The following MAPK10 variants were observed in gnomAD, a reference collection of about 807,000 sequenced individuals.
MAPK10 encodes the protein JNK3 alpha protein kinase.
MAPK10 carries 25 observed loss-of-function variants against 59.3 expected under a neutral mutation model. That is an observed-to-expected ratio of 0.42 (90% CI 0.31 to 0.59). The LOEUF is 0.59. MAPK10 is among the 20% of genes least tolerant of loss of function. The pLI, the probability that MAPK10 is intolerant of heterozygous loss-of-function variation, is 0.15. For missense variants in MAPK10, 351 were observed against 568.9 expected (o/e 0.62, Z 3.90); for synonymous variants, 190 against 200.5 (o/e 0.95, Z 0.44).
In MAPK10 at chr4:86,208,421, A is replaced by G. The variant is rs561921863; in HGVS notation, c.-6-14014T>C. On this transcript the variant is annotated intron_variant, in intron 2 of 13. Transcript: ENST00000641462. ...CAAGTGGGCTTCATCCCTGGGATGCAAGGCTGGTTCAATATACGCAAGTCA... is the reference window on the plus strand; with the variant it reads ...CAAGTGGGCTTCATCCCTGGGATGCGAGGCTGGTTCAATATACGCAAGTCA... Among the ~76,000 whole-genome samples the G allele has an allele frequency of 1.1e-4, 17 of 148,420 alleles. 1 individual carries two copies. The highest frequency in any genetic ancestry group is 1.6e-4 in the Non-Finnish European group (11 of 67,878).
chr4:86,257,793 C>T (rs1216050824), intron 2 of MAPK10, among the ~76,000 whole-genome samples: 1 of 152,126 alleles, frequency 6.6e-6, no homozygotes, highest in Admixed American at 6.5e-5. Flanking sequence ...CATTCCATGC[C>T]CTTTTCCCTT....
chr4:86,421,793 G>A (rs1746576942), intron 1 of MAPK10, among the ~76,000 whole-genome samples: 1 of 152,140 alleles, frequency 6.6e-6, no homozygotes, highest in African/African-American at 2.4e-5. Context: ...GTAGGATCGT[G>A]CCGCTCCTCT....
chr4:86,324,584 C>T (rs557116118), intron 2 of MAPK10, among the ~76,000 whole-genome samples: 24 of 152,244 alleles, frequency 1.6e-4, no homozygotes, highest in African/African-American at 5.1e-4. Flanking sequence ...TCTCTCCTTC[C>T]TCTCAGAAAT....
At chr4:86,441,204 G>GT (rs1309747315) in intron 1 of MAPK10, among the ~76,000 whole-genome samples, 1 of 152,202 alleles carries the variant, frequency 6.6e-6, no homozygotes, top group African/African-American at 2.4e-5. Context: ...TATATAATGT[G>GT]TGTGTGACTG....
chr4:86,217,885 T>G (rs1173532824), intron 2 of MAPK10, among the ~76,000 whole-genome samples: 2 of 152,078 alleles, frequency 1.3e-5, no homozygotes, highest in African/African-American at 4.8e-5. Flanking sequence ...ACTGCAAACC[T>G]CAAATTAAAA....
intron 1 of MAPK10, among the ~76,000 whole-genome samples, chr4:86,571,732 A>C (rs1447148854): frequency 2.0e-5 from 3 of 152,140 alleles, no homozygotes; most frequent in Admixed American, 2.0e-4. Context: ...ACGGTTGGCT[A>C]TCTCCTGACA....
chr4:86,166,828 G>C (rs922198671), intron 3 of MAPK10, among the ~76,000 whole-genome samples: 5 of 151,952 alleles, frequency 3.3e-5, no homozygotes, highest in Non-Finnish European at 7.4e-5. Flanking sequence ...AGAGAAGCAA[G>C]AGCAAACAAA....
At chr4:86,277,928 ACTC>A (rs1362781840) in intron 2 of MAPK10, among the ~76,000 whole-genome samples, 1 of 152,138 alleles carries the variant, frequency 6.6e-6, no homozygotes, top group Non-Finnish European at 1.5e-5. Context: ...ATGGAATACT[ACTC>A]CTAAGGATGC....
In MAPK10 at chr4:86,098,594, C is replaced by T. The variant is rs1331458791; in HGVS notation, c.732G>A (p.Val244=). ...VILGMGYKEN[V]DIWSVGCIMG... is the part of the protein sequence containing the mutation. ...TAATGCATCCCACAGACCATATATC[C>T]ACTAGAACAGGAGAGAGAGGGTAGT... Residue 244 remains valine (V), a splice_region_variant and synonymous_variant, in exon 9 of 14, where the codon GTG becomes GTA. Transcript: ENST00000641462. 1 of 1,609,652 alleles carries T rather than the reference C, an allele frequency of 6.2e-7. No individual in the cohort carries two copies. Among genetic ancestry groups the T allele is most frequent in the South Asian group, 1.1e-5 (1 of 90,964 alleles).
chr4:86,225,775 T>C (rs974830776), intron 2 of MAPK10, among the ~76,000 whole-genome samples: 23 of 152,282 alleles, frequency 1.5e-4, no homozygotes, highest in Non-Finnish European at 2.8e-4. Flanking sequence ...TTAAGAGTAA[T>C]AGGGAATATT....
chr4:86,479,490 C>A (rs1323809733), intron 1 of MAPK10, among the ~76,000 whole-genome samples: 1 of 131,588 alleles, frequency 7.6e-6, no homozygotes, highest in Non-Finnish European at 1.7e-5. Context: ...AAAAAAAAAA[C>A]TTGTCGTCCC....
chr4:86,121,590 T>C (rs1345407678), intron 4 of MAPK10, among the ~76,000 whole-genome samples: 2 of 152,156 alleles, frequency 1.3e-5, no homozygotes, highest in African/African-American at 4.8e-5. Context: ...GATTACAAAA[T>C]ATATTTTTAA....
chr4:86,522,428 T>A (rs918960625), intron 1 of MAPK10, among the ~76,000 whole-genome samples: 1 of 152,228 alleles, frequency 6.6e-6, no homozygotes, highest in Non-Finnish European at 1.5e-5. Flanking sequence ...GGTAGTTTAT[T>A]TGGCAGGGCA....
At chr4:86,346,309 T>C (rs1417037515) in intron 2 of MAPK10, among the ~76,000 whole-genome samples, 3 of 152,182 alleles carry the variant, frequency 2.0e-5, no homozygotes, top group Non-Finnish European at 2.9e-5. Context: ...TTATATAAAA[T>C]GGTAGTATCT....
intron 2 of MAPK10, among the ~76,000 whole-genome samples, chr4:86,214,502 A>C (rs1339649499): frequency 2.1e-5 from 3 of 139,964 alleles, no homozygotes; most frequent in Non-Finnish European, 4.5e-5. Flanking sequence ...GAAAACCCTT[A>C]AGATTCCTTA....
intron 2 of MAPK10, among the ~76,000 whole-genome samples, chr4:86,270,067 A>C: frequency 6.6e-6 from 1 of 152,106 alleles, no homozygotes; most frequent in East Asian, 1.9e-4. Context: ...AAATATCTTA[A>C]ATTTTTCAAG....
chr4:86,254,949 A>C (rs2093638789), intron 2 of MAPK10, among the ~76,000 whole-genome samples: 1 of 152,186 alleles, frequency 6.6e-6, no homozygotes, highest in African/African-American at 2.4e-5. Flanking sequence ...ATAAGCTAAC[A>C]TCCAAATGCA....
At chr4:86,494,694 C>T (rs1249516763) in intron 1 of MAPK10, among the ~76,000 whole-genome samples, 1 of 151,448 alleles carries the variant, frequency 6.6e-6, no homozygotes, top group Admixed American at 6.6e-5. Flanking sequence ...ATACAAAAAA[C>T]TAGCTGGCCG....
chr4:86,287,074 T>A (rs2095042316), intron 2 of MAPK10, among the ~76,000 whole-genome samples: 1 of 152,118 alleles, frequency 6.6e-6, no homozygotes, highest in South Asian at 2.1e-4. Flanking sequence ...AACAGAATGA[T>A]TTGCTTGAGG....
Sources: gnomAD v4.1 joint callset for allele counts (sites outside exome capture counted in the v4.1 genomes callset) on GRCh38, gnomAD v4.1.1 for gene constraint, MANE v1.5 for transcripts, NCBI Gene and HGNC (gene_info 2026-07-23, HGNC 2026-07-21) for gene names.